The following ARHGAP44 variants were observed in gnomAD, a reference collection of about 807,000 sequenced individuals.
ARHGAP44 encodes the protein rho GTPase-activating protein 44.
ARHGAP44 carries 43 observed loss-of-function variants against 106.8 expected under a neutral mutation model. The ratio of observed to expected loss-of-function variants is 0.40; its 90% CI spans 0.32 to 0.52. ARHGAP44 has a LOEUF of 0.52. Among genes scored for constraint, ARHGAP44 ranks in the 20% least tolerant of loss-of-function variants. The pLI, the probability that ARHGAP44 is intolerant of heterozygous loss-of-function variation, is 0.48. For missense variants in ARHGAP44, 866 were observed against 1,050.5 expected (o/e 0.82, Z 2.43); for synonymous variants, 439 against 410.3 (o/e 1.07, Z -0.85).
chr17:12,792,432 G>A (rs191005851), intron 1 of ARHGAP44, among the ~76,000 whole-genome samples: 208 of 152,222 alleles, frequency 1.4e-3, no homozygotes, highest in Admixed American at 4.4e-3. Context: ...ACTCTCAATC[G>A]GTGTTGATTG....
rs2039614446 is a variant in ARHGAP44 at position 12,974,307 on chromosome 17, C to T, written c.1760C>T (p.Thr587Ile). Reference sequence around the variant, plus strand: ...GGCCTCCAGCCTGGGCCCGAGCGCACCAGGTAAGCGCGGGCCACTGCCGTC... The same window carrying T: ...GGCCTCCAGCCTGGGCCCGAGCGCATCAGGTAAGCGCGGGCCACTGCCGTC... Reference protein sequence around the residue: ...GLGLQPGPERTSTTKSKELSP... With the variant: ...GLGLQPGPERISTTKSKELSP... Residue 587 changes from threonine to isoleucine, a missense_variant, in exon 18 of 21, where the codon ACC becomes ATC. Thr to Ile is a moderately conservative substitution (Grantham distance 89). Coordinates refer to ENST00000379672, the MANE Select transcript of ARHGAP44 (RefSeq NM_014859.6). 7.0e-7 allele frequency: 1 copy of T among 1,422,348 alleles called. No homozygotes were observed. Among genetic ancestry groups the T allele is most frequent in the Non-Finnish European group, 9.1e-7 (1 of 1,095,810 alleles). The allele number at this position is 1,422,348 out of a possible 1,614,324, so 88.1% of individuals were successfully genotyped here.
intron 1 of ARHGAP44, among the ~76,000 whole-genome samples, chr17:12,853,398 C>T (rs959728451): frequency 2.6e-5 from 4 of 152,136 alleles, no homozygotes; most frequent in Admixed American, 1.3e-4. Context: ...CGTCCCAGAG[C>T]CCCTGATCTA....
At chr17:12,823,643 T>G (rs1164384779) in intron 1 of ARHGAP44, among the ~76,000 whole-genome samples, 2 of 152,202 alleles carry the variant, frequency 1.3e-5, no homozygotes, top group Non-Finnish European at 2.9e-5. Flanking sequence ...CTCTCGTATA[T>G]TCAACTGATC....
intron 18 of ARHGAP44, among the ~76,000 whole-genome samples, chr17:12,977,356 G>A (rs1050638680): frequency 6.6e-6 from 1 of 151,998 alleles, no homozygotes; most frequent in Admixed American, 6.6e-5. Flanking sequence ...TCCCTCGAGT[G>A]GCCGGATTCT....
intron 7 of ARHGAP44, among the ~76,000 whole-genome samples, chr17:12,936,490 A>G (rs1302154801): frequency 6.6e-6 from 1 of 152,114 alleles, no homozygotes; most frequent in African/African-American, 2.4e-5. Context: ...AGTAATATGC[A>G]TTTCAGTTTC....
At chr17:12,824,310 C>T (rs963563439) in intron 1 of ARHGAP44, among the ~76,000 whole-genome samples, 1 of 152,070 alleles carries the variant, frequency 6.6e-6, no homozygotes, top group Non-Finnish European at 1.5e-5. Flanking sequence ...ATTTTGCTTA[C>T]ATTTTTGAAA....
At chr17:12,846,327 C>T (rs1362801490) in intron 1 of ARHGAP44, among the ~76,000 whole-genome samples, 2 of 152,092 alleles carry the variant, frequency 1.3e-5, no homozygotes, top group Admixed American at 6.5e-5. Context: ...CTCCCAGGCC[C>T]CCTGTGCCAT....
In ARHGAP44 at chr17:12,978,036, C is replaced by CAAAAAAAAAAAAAA. The variant is rs1157325814; in HGVS notation, c.1764-2015_1764-2002dup. On this transcript the variant is annotated intron_variant, in intron 18 of 20. Coordinates refer to ENST00000379672, the MANE Select transcript of ARHGAP44 (RefSeq NM_014859.6). ...TGGGCAACAGAGCAAGACTCCATCT[C>CAAAAAAAAAAAAAA]AAAAAAAAAAAAAAAAAAAAGTGTG... Among the ~76,000 whole-genome samples the CAAAAAAAAAAAAAA allele has an allele frequency of 2.6e-4, 23 of 89,288 alleles. 2 individuals carry two copies. The highest frequency in any genetic ancestry group is 8.6e-4 in the African/African-American group (18 of 21,014). 58.6% of individuals were successfully genotyped at this position (89,288 alleles called of 152,430 possible).
intron 5 of ARHGAP44, among the ~76,000 whole-genome samples, chr17:12,919,399 T>C (rs982675433): frequency 7.9e-5 from 12 of 151,040 alleles, no homozygotes; most frequent in Non-Finnish European, 1.8e-4. Flanking sequence ...TTTTTTTTTT[T>C]TTTTGAGACG....
intron 6 of ARHGAP44, among the ~76,000 whole-genome samples, chr17:12,924,713 GAGAA>G (rs2038184039): frequency 6.6e-6 from 1 of 152,148 alleles, no homozygotes; most frequent in Non-Finnish European, 1.5e-5. Flanking sequence ...GCCTTATAGG[GAGAA>G]AGAGTGATCT....
In ARHGAP44 at chr17:12,888,025, T is replaced by C. The variant is rs562086892; in HGVS notation, c.54-6915T>C. Reference sequence around the variant, plus strand: ...ATGTTCTTTTCAGTCTTGCTAGAGATTTTTTAAACTTTATTGATCTTTTCA... The same window carrying C: ...ATGTTCTTTTCAGTCTTGCTAGAGACTTTTTAAACTTTATTGATCTTTTCA... On this transcript the variant is annotated intron_variant, in intron 1 of 20. Transcript: ENST00000379672. Among the ~76,000 whole-genome samples the C allele has an allele frequency of 4.6e-5, 7 of 152,218 alleles. No individual in the cohort carries two copies. The East Asian group carries it at 1.4e-3, about 29-fold the overall frequency.
chr17:12,897,972 G>A (rs2037263507), intron 3 of ARHGAP44, among the ~76,000 whole-genome samples: 1 of 152,102 alleles, frequency 6.6e-6, no homozygotes, highest in African/African-American at 2.4e-5. Flanking sequence ...TGAGTGATCT[G>A]AAGTATAGGG....
intron 19 of ARHGAP44, among the ~76,000 whole-genome samples, chr17:12,982,257 T>A (rs569326747): frequency 1.3e-5 from 2 of 152,296 alleles, no homozygotes; most frequent in African/African-American, 4.8e-5. Context: ...TTGAAAGGTA[T>A]ACATTTCTTC....
At chr17:12,921,443 T>C (rs932091045) in intron 6 of ARHGAP44, among the ~76,000 whole-genome samples, 1 of 152,184 alleles carries the variant, frequency 6.6e-6, no homozygotes, top group Non-Finnish European at 1.5e-5. Context: ...ACTCTTGGGC[T>C]CAAGCAATCC....
intron 20 of ARHGAP44, chr17:12,987,007 T>C (rs953294580): frequency 8.1e-7 from 1 of 1,239,156 alleles, no homozygotes; most frequent in Non-Finnish European, 1.1e-6. Context: ...TCTGGGACTG[T>C]GATATTGGCA....
chr17:12,919,228 A>G (rs538742736), intron 5 of ARHGAP44, among the ~76,000 whole-genome samples: 1 of 152,228 alleles, frequency 6.6e-6, no homozygotes, highest in African/African-American at 2.4e-5. Flanking sequence ...ATGTGTGCAT[A>G]TGAAACCATT....
At chr17:12,810,158 T>G (rs1013867925) in intron 1 of ARHGAP44, among the ~76,000 whole-genome samples, 1 of 152,208 alleles carries the variant, frequency 6.6e-6, no homozygotes, top group African/African-American at 2.4e-5. Flanking sequence ...GTGTCACCCA[T>G]AAGGGAAATC....
chr17:12,989,050 T>C (rs2040031702), intron 20 of ARHGAP44: 1 of 139,140 alleles, frequency 7.2e-6, no homozygotes, highest in Non-Finnish European at 1.5e-5. Flanking sequence ...TGAGCCGAGA[T>C]TGTGCCATTG....
chr17:12,881,382 A>G (rs1398134674), intron 1 of ARHGAP44, among the ~76,000 whole-genome samples: 1 of 151,124 alleles, frequency 6.6e-6, no homozygotes, highest in East Asian at 1.9e-4. Flanking sequence ...TTTTTTTCTC[A>G]TTTGGATAAA....
Sources: allele counts gnomAD v4.1 joint callset (sites outside exome capture counted in the v4.1 genomes callset), GRCh38; gene constraint gnomAD v4.1.1; transcripts MANE v1.5; gene names NCBI Gene and HGNC (gene_info 2026-07-23, HGNC 2026-07-21).